Variants in PTPRT observed in about 807,000 individuals in gnomAD.
PTPRT encodes the protein protein tyrosine phosphatase receptor type T.
In PTPRT, 56 loss-of-function variants were observed where a neutral mutation model predicts 176.8. That is an observed-to-expected ratio of 0.32 (90% CI 0.26 to 0.40). The LOEUF (loss-of-function observed/expected upper bound fraction) is 0.40. Among genes scored for constraint, PTPRT ranks in the 10% least tolerant of loss-of-function variants. The pLI, the probability that PTPRT is intolerant of heterozygous loss-of-function variation, is 1.00. For synonymous variants in PTPRT, 783 were observed against 739.0 expected (o/e 1.06, Z -0.96); for missense variants, 1,540 against 1,908.2 (o/e 0.81, Z 3.60).
rs539138675 is a variant in PTPRT, at chr20:42,954,447, T to C, written c.89-68515A>G. 3.3e-5 allele frequency among the ~76,000 whole-genome samples: 5 copies of C among 152,270 alleles called. No individual in the cohort carries two copies. In the South Asian group the frequency reaches 1.0e-3, roughly 32 times the overall value. ...AGCATCCCAGCACCTCTTATCACTT[T>C]CTGTCTCCTACAGTTAAGCCATGAC... On this transcript the variant is annotated intron_variant, in intron 1 of 30. Coordinates refer to ENST00000373187, the MANE Select transcript of PTPRT (RefSeq NM_007050.6).
chr20:42,118,568 C>T, intron 20 of PTPRT, 68 bp from the exon 21 acceptor site: 1 of 1,425,904 alleles, frequency 7.0e-7, no homozygotes. Context: ...AGGTTTGTCC[C>T]CCCGGTTGGT....
At chr20:42,731,745 C>T (rs2076464060) in intron 6 of PTPRT, among the ~76,000 whole-genome samples, 1 of 152,178 alleles carries the variant, frequency 6.6e-6, no homozygotes, top group Non-Finnish European at 1.5e-5. Context: ...GATTTGATTC[C>T]TGATTATCCA....
At chr20:42,656,977 T>G (rs2075135894) in intron 7 of PTPRT, among the ~76,000 whole-genome samples, 1 of 152,052 alleles carries the variant, frequency 6.6e-6, no homozygotes, top group African/African-American at 2.4e-5. Flanking sequence ...CCAAATATCA[T>G]CTTGAATTGT....
chr20:43,177,284 C>T (rs1196652614), intron 1 of PTPRT, among the ~76,000 whole-genome samples: 1 of 152,152 alleles, frequency 6.6e-6, no homozygotes, highest in African/African-American at 2.4e-5. Context: ...TTGGACCTGA[C>T]ATATAGTGAA....
chr20:42,859,968 T>A (rs182526123), intron 2 of PTPRT, among the ~76,000 whole-genome samples: 6 of 152,240 alleles, frequency 3.9e-5, no homozygotes, highest in Admixed American at 3.3e-4. Context: ...GGCTGTACCT[T>A]CAATGGTATC....
chr20:42,846,749 T>G (rs2078379973), intron 2 of PTPRT, among the ~76,000 whole-genome samples: 1 of 152,078 alleles, frequency 6.6e-6, no homozygotes, highest in South Asian at 2.1e-4. Context: ...CCTTCTGAAG[T>G]GGGGAGCTCT....
chr20:42,057,489 C>A, the PTPRT span, among the ~76,000 whole-genome samples: 3 of 152,336 alleles, frequency 2.0e-5, no homozygotes, highest in Non-Finnish European at 2.9e-5. Flanking sequence ...TCTTTTCCTT[C>A]TGAGAGGTTT....
At chr20:43,019,920 C>G (rs1267806995) in intron 1 of PTPRT, among the ~76,000 whole-genome samples, 1 of 151,956 alleles carries the variant, frequency 6.6e-6, no homozygotes, top group East Asian at 1.9e-4. Context: ...AAACTTTGGT[C>G]TCAGATTGAC....
intron 2 of PTPRT, among the ~76,000 whole-genome samples, chr20:42,800,801 C>T (rs2077519957): frequency 1.3e-5 from 2 of 152,076 alleles, no homozygotes; most frequent in East Asian, 1.9e-4. Flanking sequence ...AAAATGGTGC[C>T]GTCTTGCCTT....
chr20:43,041,087 T>A (rs1416385175), intron 1 of PTPRT, among the ~76,000 whole-genome samples: 2 of 152,212 alleles, frequency 1.3e-5, no homozygotes, highest in Non-Finnish European at 2.9e-5. Flanking sequence ...TAACAAGCCC[T>A]GCATGTGATT....
At chr20:42,535,853 T>C (rs2072467128) in intron 7 of PTPRT, among the ~76,000 whole-genome samples, 1 of 152,174 alleles carries the variant, frequency 6.6e-6, no homozygotes, top group Non-Finnish European at 1.5e-5. Context: ...GCCTATTCCA[T>C]GGCCATTGGG....
chr20:42,937,671 A>T (rs1980276190), intron 1 of PTPRT, among the ~76,000 whole-genome samples: 1 of 152,346 alleles, frequency 6.6e-6, no homozygotes, highest in East Asian at 1.9e-4. Context: ...TTCAATCTTC[A>T]TTTGACACTG....
chr20:42,769,749 G>A (rs780132631), intron 5 of PTPRT, among the ~76,000 whole-genome samples: 47 of 152,180 alleles, frequency 3.1e-4, no homozygotes, highest in Non-Finnish European at 5.4e-4. Context: ...CAGGTAGATG[G>A]ATAAACAAAT....
chr20:43,081,266 A>G (rs1054978464), intron 1 of PTPRT, among the ~76,000 whole-genome samples: 1 of 152,142 alleles, frequency 6.6e-6, no homozygotes, highest in Non-Finnish European at 1.5e-5. Context: ...GGAGGAGGAG[A>G]AAGTTTTTGC....
intron 9 of PTPRT, among the ~76,000 whole-genome samples, chr20:42,382,361 C>A (rs1446065917): frequency 6.6e-6 from 1 of 152,166 alleles, no homozygotes. Flanking sequence ...TGGACTAGAG[C>A]CAGTTCTAAA....
chr20:42,754,756 GT>G (rs2076807189), intron 6 of PTPRT, among the ~76,000 whole-genome samples: 1 of 152,132 alleles, frequency 6.6e-6, no homozygotes, highest in Admixed American at 6.5e-5. Context: ...TCATGGCATT[GT>G]GGTGAGGAAA....
At chr20:42,224,183 G>A (rs2055951280) in intron 15 of PTPRT, among the ~76,000 whole-genome samples, 1 of 152,146 alleles carries the variant, frequency 6.6e-6, no homozygotes, top group African/African-American at 2.4e-5. Flanking sequence ...GTCCCTTGAG[G>A]CTTCAGGGAT....
At chr20:42,109,231 T>TGAC (rs765382186) in intron 23 of PTPRT, among the ~76,000 whole-genome samples, 18 of 152,174 alleles carry the variant, frequency 1.2e-4, no homozygotes, top group Non-Finnish European at 2.5e-4. Context: ...GTCTCTTGAC[T>TGAC]GACACAAACT....
At chr20:42,585,927 C>G (rs1046636023) in intron 7 of PTPRT, among the ~76,000 whole-genome samples, 4 of 152,018 alleles carry the variant, frequency 2.6e-5, no homozygotes, top group African/African-American at 9.7e-5. Context: ...TATGAATAGA[C>G]ATATGTATAC....
Sources: allele counts gnomAD v4.1 joint callset (sites outside exome capture counted in the v4.1 genomes callset), GRCh38; gene constraint gnomAD v4.1.1; transcripts MANE v1.5; gene names NCBI Gene and HGNC (gene_info 2026-07-23, HGNC 2026-07-21).